Variants in LAMC2 observed in about 807,000 individuals in gnomAD.
LAMC2 encodes the protein laminin subunit gamma 2, also known as laminin subunit gamma-2.
In LAMC2, 97 loss-of-function variants were observed where a neutral mutation model predicts 140.2. That is an observed-to-expected ratio of 0.69 (90% CI 0.59 to 0.82). The LOEUF is 0.82. Among genes scored for constraint, LAMC2 ranks in the 40% least tolerant of loss-of-function variants. The pLI, the probability that LAMC2 is intolerant of heterozygous loss-of-function variation, is 0.00. For missense variants in LAMC2, 1,402 were observed against 1,476.1 expected, an observed-to-expected ratio of 0.95 and a Z score of 0.82; for synonymous variants, 513 against 540.2, an observed-to-expected ratio of 0.95 and a Z score of 0.70.
intron 13 of LAMC2, 144 bp downstream of exon 13, chr1:183,232,487 G>A (rs1317363872): frequency 9.0e-7 from 1 of 1,116,746 alleles, no homozygotes. Context: ...GACTGTCTGT[G>A]GCATTCCCCC....
chr1:183,226,638 C>G, intron 8 of LAMC2, 60 bp from the exon 9 acceptor site: 1 of 1,402,924 alleles, frequency 7.1e-7, no homozygotes, highest in African/African-American at 1.4e-5. Context: ...CAAGAGAGAT[C>G]TGACTTGAGA....
At chr1:183,240,486 C>T in intron 22 of LAMC2, 95 bp downstream of exon 22, 1 of 1,545,336 alleles carries the variant, frequency 6.5e-7, no homozygotes, top group Non-Finnish European at 8.7e-7. Context: ...AGGGGAGTCT[C>T]AGCTTTCCTT....
chr1:183,238,470 A>G, intron 19 of LAMC2, 49 bp downstream of exon 19: 1 of 1,206,658 alleles, frequency 8.3e-7, no homozygotes, highest in Non-Finnish European at 1.2e-6. Flanking sequence ...GTGTATAGTC[A>G]TGACCAATTT....
intron 1 of LAMC2, among the ~76,000 whole-genome samples, chr1:183,200,764 C>T (rs1471575955): frequency 1.3e-5 from 2 of 152,104 alleles, no homozygotes; most frequent in Non-Finnish European, 2.9e-5. Flanking sequence ...GCTCCAGCTG[C>T]TTTGATCTGC....
At chr1:183,191,105 A>C (rs556127413) in intron 1 of LAMC2, among the ~76,000 whole-genome samples, 1 of 152,336 alleles carries the variant, frequency 6.6e-6, no homozygotes, top group African/African-American at 2.4e-5. Context: ...TTTTAGCTTA[A>C]TGTATCTTCC....
chr1:183,257,834 T>C, the LAMC2 span, among the ~76,000 whole-genome samples: 1 of 152,204 alleles, frequency 6.6e-6, no homozygotes, highest in African/African-American at 2.4e-5. Flanking sequence ...ATTTTTTCTA[T>C]GGTTTTTCTA....
intron 22 of LAMC2, chr1:183,240,683 G>A (rs964032572): frequency 7.6e-7 from 1 of 1,316,364 alleles, no homozygotes; most frequent in Middle Eastern, 2.9e-4. Context: ...GAGACAGCTT[G>A]GGAATCCTGC....
intron 1 of LAMC2, among the ~76,000 whole-genome samples, chr1:183,189,258 T>A (rs779190207): frequency 3.9e-5 from 6 of 152,090 alleles, no homozygotes; most frequent in Non-Finnish European, 8.8e-5. Context: ...GGTTTGTACA[T>A]GGTTAGACAG....
chr1:183,227,465 T>G (rs371521389), intron 9 of LAMC2, 50 bp from the exon 10 acceptor site: 1 of 1,504,402 alleles, frequency 6.6e-7, no homozygotes, highest in Non-Finnish European at 9.3e-7. Flanking sequence ...GGAAATGTAT[T>G]GTCTGACCCT....
the LAMC2 span, chr1:183,252,714 A>T: frequency 6.2e-7 from 1 of 1,614,104 alleles, no homozygotes; most frequent in South Asian, 1.1e-5. Flanking sequence ...GTAATCCACA[A>T]CATGGCCGTC....
intron 1 of LAMC2, among the ~76,000 whole-genome samples, chr1:183,194,759 C>A (rs1019557199): frequency 6.6e-6 from 1 of 152,126 alleles, no homozygotes; most frequent in African/African-American, 2.4e-5. Context: ...CATAGGATAC[C>A]TTTTTCTAGG....
rs559485849 is a variant in LAMC2, at chr1:183,234,075, C to T, written c.2221-292C>T. Among the ~76,000 whole-genome samples, 25 of 152,042 alleles carry T rather than the reference C, an allele frequency of 1.6e-4. No individual in the cohort carries two copies. The South Asian group carries it at 4.4e-3, about 27-fold the overall frequency. On this transcript the variant is annotated intron_variant, in intron 14 of 22. Transcript: ENST00000264144. ...CTAATTATTGCATTTTTAGAAGGGA[C>T]GGGGTTTCACCATGTTGGTCAGGCT... is the stretch of plus-strand genomic sequence containing the variant.
At chr1:183,239,957 A>T in intron 20 of LAMC2, 83 bp from the exon 21 acceptor site, 1 of 1,512,238 alleles carries the variant, frequency 6.6e-7, no homozygotes, top group Non-Finnish European at 9.2e-7. Flanking sequence ...CTGCCGCTGT[A>T]TTTTTTCTAT....
At chr1:183,217,936 G>A (rs1207543775) in intron 3 of LAMC2, among the ~76,000 whole-genome samples, 2 of 152,164 alleles carry the variant, frequency 1.3e-5, no homozygotes, top group Non-Finnish European at 2.9e-5. Flanking sequence ...CTCAATTGAG[G>A]AATTACCAAC....
intron 12 of LAMC2, among the ~76,000 whole-genome samples, chr1:183,231,549 T>C (rs1659802011): frequency 6.6e-6 from 1 of 152,218 alleles, no homozygotes; most frequent in Non-Finnish European, 1.5e-5. Flanking sequence ...AACAGATGTC[T>C]TTGTAAAACA....
In LAMC2 at chr1:183,228,198, GGA is replaced by G. The variant is rs1360369203; in HGVS notation, c.1469-168_1469-167del. On this transcript the variant is annotated intron_variant, in intron 10 of 22. Transcript: ENST00000264144. This position sits in a 1 kb window ranked among gnomAD's most constrained non-coding sequence, Gnocchi z 4.3. ...GTGTTCTGCAACCTGCAGTGGGCAT[GGA>G]GAGAGAGGGCCAGCCCTGCCTTGCA... Among the ~76,000 whole-genome samples, 2 of 152,212 alleles carry G rather than the reference GGA, an allele frequency of 1.3e-5. No homozygotes were observed. The highest frequency in any genetic ancestry group is 2.9e-5 in the Non-Finnish European group (2 of 68,044).
intron 1 of LAMC2, among the ~76,000 whole-genome samples, chr1:183,191,144 T>A (rs1658317619): frequency 6.6e-6 from 1 of 152,212 alleles, no homozygotes; most frequent in African/African-American, 2.4e-5. Flanking sequence ...ATAAAGTAAT[T>A]GAGAAAGTAC....
At chr1:183,196,233 G>A (rs909819889) in intron 1 of LAMC2, among the ~76,000 whole-genome samples, 5 of 152,070 alleles carry the variant, frequency 3.3e-5, no homozygotes, top group African/African-American at 1.2e-4. Context: ...TGCCTACCGG[G>A]TTCAAGTGAT....
Position 183,243,206 on chromosome 1 carries a change from G to A in LAMC2, c.3388G>A (p.Ala1130Thr). 1 of 1,614,054 alleles carries A rather than the reference G, an allele frequency of 6.2e-7. No homozygotes were observed. Among genetic ancestry groups the A allele is most frequent in the Non-Finnish European group, 8.5e-7 (1 of 1,179,968 alleles). The change falls in exon 23 of 23, where the codon GCC (alanine) becomes ACC (threonine). Residue 1130 changes from alanine (A) to threonine (T), a missense_variant. Physicochemically the swap from Ala to Thr is moderately conservative, Grantham distance 58. This residue lies in a region of LAMC2 where 670 missense variants were observed against 667.2 expected (regional missense o/e 1.00). Transcript: ENST00000264144. ...LVLLEQKLSR[A>T]KTQINSQLRP... is the part of the protein sequence containing the mutation. ...CTTACTGGAGCAGAAGCTTTCCCGA[G>A]CCAAGACCCAGATCAACAGCCAACT...
Sources: gnomAD v4.1 joint callset for allele counts (sites outside exome capture counted in the v4.1 genomes callset) on GRCh38, gnomAD v4.1.1 for gene constraint, gnomAD v4.1.1 regional missense constraint, Gnocchi (gnomAD v3.1) non-coding constraint, MANE v1.5 for transcripts, NCBI Gene and HGNC (gene_info 2026-07-23, HGNC 2026-07-21) for gene names.